The following DACH2 variants were observed in gnomAD, a reference collection of about 807,000 sequenced individuals.
DACH2 encodes dachshund family transcription factor 2.
A neutral mutation model predicts 35.8 loss-of-function variants in DACH2; 17 were observed. The ratio of observed to expected loss-of-function variants is 0.48; its 90% CI spans 0.33 to 0.71. DACH2 has a LOEUF of 0.71. Among genes scored for constraint, DACH2 ranks in the 30% least tolerant of loss-of-function variants. The probability of loss-of-function intolerance (pLI) is 0.02; values close to 1 mark genes in which losing one functional copy is unlikely to be tolerated. For missense variants in DACH2, 469 were observed against 472.7 expected, an observed-to-expected ratio of 0.99 and a Z score of 0.07; for synonymous variants, 195 against 177.3, an observed-to-expected ratio of 1.10 and a Z score of -0.79.
At chrX:86,617,781 A>G (rs1479785838) in intron 3 of DACH2, among the ~76,000 whole-genome samples, 1 of 112,176 alleles carries the variant, frequency 8.9e-6, no homozygotes, top group Non-Finnish European at 1.9e-5. Flanking sequence ...ATTTTGAGCA[A>G]TGTAACCCGA....
intron 4 of DACH2, among the ~76,000 whole-genome samples, chrX:86,653,951 G>A (rs1367129374): frequency 1.8e-5 from 2 of 109,980 alleles, no homozygotes; most frequent in Non-Finnish European, 1.9e-5. Context: ...ACAGGTGTGA[G>A]CCACTGCGCC....
chrX:86,674,576 G>T (rs1200775561), intron 4 of DACH2, among the ~76,000 whole-genome samples: 2 of 112,138 alleles, frequency 1.8e-5, no homozygotes, highest in African/African-American at 6.5e-5. Context: ...CACTCATTAA[G>T]ATGTTGAACT....
At chrX:86,767,575 C>G (rs1321285247) in intron 7 of DACH2, among the ~76,000 whole-genome samples, 1 of 111,908 alleles carries the variant, frequency 8.9e-6, no homozygotes, top group Non-Finnish European at 1.9e-5. Context: ...ACGCTGATGT[C>G]AACACTTAAT....
chrX:86,620,017 TTTAAA>T (rs2040051592), intron 3 of DACH2, among the ~76,000 whole-genome samples: 2 of 112,291 alleles, frequency 1.8e-5, no homozygotes, highest in Admixed American at 9.5e-5. Flanking sequence ...GATTGCAAAC[TTTAAA>T]TTAACCCTGA....
intron 1 of DACH2, among the ~76,000 whole-genome samples, chrX:86,195,190 C>T (rs1429594695): frequency 3.6e-5 from 4 of 112,435 alleles, no homozygotes; most frequent in African/African-American, 1.3e-4. Context: ...TGCACTCTGC[C>T]CTTCCACTGC....
At chrX:86,310,041 G>T (rs768651551) in intron 1 of DACH2, among the ~76,000 whole-genome samples, 1 of 112,300 alleles carries the variant, frequency 8.9e-6, no homozygotes, top group Non-Finnish European at 1.9e-5. Context: ...CACAGCAAAG[G>T]CCTCTAAGAT....
chrX:86,549,193 A>G (rs1428251094), intron 3 of DACH2, among the ~76,000 whole-genome samples: 1 of 112,058 alleles, frequency 8.9e-6, no homozygotes, highest in Non-Finnish European at 1.9e-5. Flanking sequence ...TGGGAAAAAA[A>G]TCTCATGTTC....
At chrX:86,800,933 G>T (rs1602966300) in intron 7 of DACH2, among the ~76,000 whole-genome samples, 1 of 110,932 alleles carries the variant, frequency 9.0e-6, no homozygotes, top group African/African-American at 3.3e-5. Flanking sequence ...GCCGCCCAAA[G>T]TGCTGGGATT....
intron 2 of DACH2, among the ~76,000 whole-genome samples, chrX:86,429,535 A>ATTTCT (rs144228984): frequency 0.23 from 23,092 of 101,345 alleles, 2,741 homozygotes; most frequent in East Asian, 0.47. Context: ...TCTAGAGTGC[A>ATTTCT]TTTCTTTTCT....
At chrX:86,686,159 TAAAC>T (rs2040940377) in intron 4 of DACH2, among the ~76,000 whole-genome samples, 1 of 112,272 alleles carries the variant, frequency 8.9e-6, no homozygotes, top group South Asian at 3.7e-4. Flanking sequence ...TTGTCACACA[TAAAC>T]AAATTTTTCT....
chrX:86,406,739 C>T (rs1319582641), intron 2 of DACH2, among the ~76,000 whole-genome samples: 1 of 112,212 alleles, frequency 8.9e-6, no homozygotes, highest in Non-Finnish European at 1.9e-5. Context: ...ATGTATTCCA[C>T]AGTTTCACTT....
At chrX:86,272,596 G>C (rs868215453) in intron 1 of DACH2, among the ~76,000 whole-genome samples, 1 of 111,703 alleles carries the variant, frequency 9.0e-6, no homozygotes, top group Admixed American at 9.5e-5. Flanking sequence ...GAGATCTCTA[G>C]TTCTTTCCGA....
chrX:86,332,122 T>G (rs1261377217), intron 1 of DACH2, among the ~76,000 whole-genome samples: 1 of 111,523 alleles, frequency 9.0e-6, no homozygotes, highest in African/African-American at 3.3e-5. Flanking sequence ...TATGGTTATA[T>G]AGTCACTAAG....
intron 1 of DACH2, among the ~76,000 whole-genome samples, chrX:86,193,952 G>C (rs927751813): frequency 2.8e-5 from 3 of 108,953 alleles, no homozygotes; most frequent in Non-Finnish European, 5.7e-5. Context: ...TAAGTTGAAG[G>C]GAATATATAT....
intron 2 of DACH2, among the ~76,000 whole-genome samples, chrX:86,504,612 C>G (rs1431554890): frequency 9.1e-6 from 1 of 110,383 alleles, no homozygotes; most frequent in Non-Finnish European, 1.9e-5. Flanking sequence ...CATTGTTGTA[C>G]AACAGAACTC....
intron 1 of DACH2, among the ~76,000 whole-genome samples, chrX:86,286,822 T>A (rs1209798195): frequency 3.6e-5 from 4 of 112,301 alleles, no homozygotes; most frequent in Admixed American, 9.4e-5. Context: ...AAATCTTATT[T>A]TACTATGTCT....
intron 1 of DACH2, among the ~76,000 whole-genome samples, chrX:86,191,176 G>A (rs1387622028): frequency 3.6e-5 from 4 of 111,488 alleles, no homozygotes; most frequent in East Asian, 2.8e-4. Context: ...ACACATGCAC[G>A]TGTATGTTCA....
intron 2 of DACH2, among the ~76,000 whole-genome samples, chrX:86,433,545 T>C: frequency 8.9e-6 from 1 of 111,948 alleles, no homozygotes; most frequent in Non-Finnish European, 1.9e-5. Context: ...GGCAGTATGC[T>C]AGGTAGCTAG....
At chrX:86,642,825 A>G (rs2040363566) in intron 3 of DACH2, among the ~76,000 whole-genome samples, 1 of 112,072 alleles carries the variant, frequency 8.9e-6, no homozygotes. Flanking sequence ...ATACAATTAT[A>G]TGAAAATTAA....
Sources: allele counts gnomAD v4.1 joint callset (sites outside exome capture counted in the v4.1 genomes callset), GRCh38; gene constraint gnomAD v4.1.1; transcripts MANE v1.5; gene names NCBI Gene and HGNC (gene_info 2026-07-23, HGNC 2026-07-21).